The following WWP2 variants were observed in gnomAD, a reference collection of about 807,000 sequenced individuals.
WWP2 encodes WW domain containing E3 ubiquitin protein ligase 2.
In WWP2, 57 loss-of-function variants were observed where a neutral mutation model predicts 121.0. The observed-to-expected ratio is 0.47, with a 90% CI of 0.38 to 0.59. WWP2 has a LOEUF of 0.59. WWP2 is among the 20% of genes least tolerant of loss of function. WWP2 has a pLI of 0.00. For synonymous variants in WWP2, 449 were observed against 441.3 expected (o/e 1.02, Z -0.22); for missense variants, 962 against 1,158.9 (o/e 0.83, Z 2.47).
Position 69,936,693 on chromosome 16 carries a change from A to C in WWP2, c.2117+241A>C, listed in dbSNP as rs2058804133. On this transcript the variant is annotated intron_variant, in intron 19 of 23. Transcript: ENST00000359154. The stretch of plus-strand genomic sequence containing the variant: ...GCCATGTGGGAGACTTCAAGCCTGC[A>C]GCGTGGAATTTCTTTGAAGTGGCAT... 4.6e-5 allele frequency: 26 copies of C among 570,382 alleles called. No homozygotes were observed. The South Asian group carries it at 5.3e-4, about 12-fold the overall frequency. 35.3% of individuals were successfully genotyped at this position (570,382 alleles called of 1,614,324 possible). A position where few individuals can be genotyped will look rare whatever the true frequency, so the allele number is the denominator to read the frequency against.
intron 8 of WWP2, among the ~76,000 whole-genome samples, chr16:69,893,106 C>G (rs542991941): frequency 2.0e-5 from 3 of 152,350 alleles, no homozygotes; most frequent in Admixed American, 6.5e-5. Flanking sequence ...CTTTCTGAAA[C>G]CTTCCTTGCC....
chr16:69,805,484 G>T (rs1157716944), intron 4 of WWP2, among the ~76,000 whole-genome samples: 1 of 152,008 alleles, frequency 6.6e-6, no homozygotes, highest in Non-Finnish European at 1.5e-5. Flanking sequence ...TAACTTCTAG[G>T]TGTAAGGCTG....
chr16:69,817,659 CTTTTTTT>C (rs200998762), intron 4 of WWP2, among the ~76,000 whole-genome samples: 7 of 119,954 alleles, frequency 5.8e-5, no homozygotes, highest in African/African-American at 9.5e-5. Flanking sequence ...TTGTTAAACT[CTTTTTTT>C]TTTTTTTTTT....
At position 69,799,305 on chromosome 16, in the gene WWP2, A is replaced by T; in HGVS notation, c.340+10A>T. 1 of 1,611,728 alleles carries T rather than the reference A, an allele frequency of 6.2e-7. No individual in the cohort carries two copies. Among genetic ancestry groups the T allele is most frequent in the South Asian group, 1.1e-5 (1 of 90,760 alleles). ...AACAATGGGGGCAAAAGTACGTATG[A>T]TGAAGGGGGTGCCGACGTGATTCTT... On this transcript the variant is annotated intron_variant, in intron 4 of 23. Coordinates refer to ENST00000359154, the MANE Select transcript of WWP2 (RefSeq NM_001270454.2). The surrounding 1 kb of genome is among the most constrained non-coding windows in gnomAD (Gnocchi z 4.5).
intron 7 of WWP2, among the ~76,000 whole-genome samples, chr16:69,879,281 A>C (rs2057784756): frequency 6.6e-6 from 1 of 152,218 alleles, no homozygotes; most frequent in African/African-American, 2.4e-5. Flanking sequence ...ATTAATTATA[A>C]TCACAATGTT....
intron 2 of WWP2, among the ~76,000 whole-genome samples, chr16:69,789,605 T>G (rs770306874): frequency 6.6e-6 from 1 of 152,234 alleles, no homozygotes; most frequent in Admixed American, 6.5e-5. Context: ...CTTGTGTGTC[T>G]CTTCCAAGAT....
intron 7 of WWP2, among the ~76,000 whole-genome samples, chr16:69,886,984 A>G (rs528798681): frequency 5.9e-4 from 90 of 152,346 alleles, no homozygotes; most frequent in Non-Finnish European, 1.2e-3. Context: ...AATCATATAT[A>G]TGGAAAATTC....
chr16:69,796,463 TTGTTTGCCCC>T (rs1465316477), intron 2 of WWP2, among the ~76,000 whole-genome samples: 1 of 152,230 alleles, frequency 6.6e-6, no homozygotes, highest in East Asian at 1.9e-4. Context: ...AGAGTATCAA[TTGTTTGCCCC>T]TGTGATCACG....
chr16:69,896,405 A>T (rs2058104984), intron 8 of WWP2, among the ~76,000 whole-genome samples: 1 of 152,012 alleles, frequency 6.6e-6, no homozygotes, highest in African/African-American at 2.4e-5. Context: ...ACAGGTGTGA[A>T]CCACCGTGCC....
At chr16:69,824,901 G>A (rs1008066479) in intron 4 of WWP2, among the ~76,000 whole-genome samples, 2 of 151,528 alleles carry the variant, frequency 1.3e-5, no homozygotes, top group African/African-American at 4.9e-5. Flanking sequence ...CTCCCAAGGA[G>A]CTGGGATTAC....
chr16:69,795,212 T>C (rs1225332477), intron 2 of WWP2, among the ~76,000 whole-genome samples: 1 of 151,620 alleles, frequency 6.6e-6, no homozygotes, highest in Non-Finnish European at 1.5e-5. Flanking sequence ...CTCCAGCCGG[T>C]CTACAACTTA....
rs745723425 is a variant in WWP2 at position 69,931,790 on chromosome 16, C to T, written c.1594-12C>T. On this transcript the variant is annotated splice_polypyrimidine_tract_variant and intron_variant, in intron 15 of 23. Transcript: ENST00000359154. Reference sequence around the variant, plus strand: ...GAGAGTGGCAGGCTGGCCCGATGCTCTGTCTTCCCAGATCATGAACATGAA... The same window carrying T: ...GAGAGTGGCAGGCTGGCCCGATGCTTTGTCTTCCCAGATCATGAACATGAA... 1 of 1,613,558 alleles carries T rather than the reference C, an allele frequency of 6.2e-7. No homozygotes were observed. The highest frequency in any genetic ancestry group is 2.2e-5 in the East Asian group (1 of 44,870).
Position 69,793,494 on chromosome 16 carries a change from T to G in WWP2, c.71-5188T>G, listed in dbSNP as rs550516518. Among the ~76,000 whole-genome samples, 27 of 152,174 alleles carry G rather than the reference T, an allele frequency of 1.8e-4. No homozygotes were observed. The South Asian group carries it at 1.9e-3, about 11-fold the overall frequency. On this transcript the variant is annotated intron_variant, in intron 2 of 23. Transcript: ENST00000359154. ...TTCCTGGAGGCTCAGAGATTAGGGT[T>G]TTTATAGACAATTTGACAGGTAGGG...
chr16:69,871,844 G>C lies in WWP2; in HGVS notation c.616G>C (p.Ala206Pro). Residue 206 changes from alanine (A) to proline (P), a missense_variant, in exon 7 of 24, where the codon GCA becomes CCA. By Grantham distance (27) the Ala-to-Pro change is conservative. Transcript: ENST00000359154. ...HSGASARTTP[A>P]TGEQSPGARS... ...GGGTGCTTCAGCCAGAACAACCCCA[G>C]CAACCGGCGAGCAAAGCCCCGGTGC... 1 of 1,614,162 alleles carries C rather than the reference G, an allele frequency of 6.2e-7. No individual in the cohort carries two copies. The highest frequency in any genetic ancestry group is 8.5e-7 in the Non-Finnish European group (1 of 1,180,030).
chr16:69,871,494 A>G (rs959461062), intron 6 of WWP2, among the ~76,000 whole-genome samples: 1 of 152,244 alleles, frequency 6.6e-6, no homozygotes, highest in Non-Finnish European at 1.5e-5. Flanking sequence ...TTTGAGCCCA[A>G]TAAAAATAAT....
chr16:69,922,583 A>G (rs924130594), intron 10 of WWP2, among the ~76,000 whole-genome samples: 3 of 152,110 alleles, frequency 2.0e-5, no homozygotes, highest in Admixed American at 1.3e-4. Context: ...TGCTCCACGT[A>G]ACACCTTGAC....
intron 11 of WWP2, among the ~76,000 whole-genome samples, chr16:69,927,862 G>A (rs973716081): frequency 7.2e-5 from 11 of 152,076 alleles, no homozygotes; most frequent in African/African-American, 2.2e-4. Context: ...AAGTCTCGCT[G>A]TGTTGCCCAG....
intron 4 of WWP2, among the ~76,000 whole-genome samples, chr16:69,831,270 T>C (rs1377672045): frequency 6.6e-6 from 1 of 152,160 alleles, no homozygotes; most frequent in Non-Finnish European, 1.5e-5. Context: ...AACAGAACTA[T>C]TTTTCCTTTG....
intron 6 of WWP2, among the ~76,000 whole-genome samples, chr16:69,864,212 G>A (rs904754063): frequency 1.3e-5 from 2 of 151,988 alleles, no homozygotes; most frequent in African/African-American, 4.8e-5. Context: ...TACCAAAAAT[G>A]CAAAAATGAG....
Sources: gnomAD v4.1 joint callset for allele counts (sites outside exome capture counted in the v4.1 genomes callset) on GRCh38, gnomAD v4.1.1 for gene constraint, Gnocchi (gnomAD v3.1) non-coding constraint, MANE v1.5 for transcripts, NCBI Gene and HGNC (gene_info 2026-07-23, HGNC 2026-07-21) for gene names.